PTGIS: variants seen among roughly 807,000 people sequenced by gnomAD.
PTGIS encodes prostaglandin I2 synthase, also known as prostacyclin synthase.
Under a neutral mutation model 50.3 loss-of-function variants are expected in PTGIS, and 45 were observed. The ratio of observed to expected loss-of-function variants is 0.90; its 90% CI spans 0.70 to 1.15. The LOEUF is 1.15. Among genes scored for constraint, PTGIS ranks in the 50% most tolerant of loss-of-function variants. The pLI is 0.00. For synonymous variants in PTGIS, 260 were observed against 267.7 expected (o/e 0.97, Z 0.28); for missense variants, 668 against 661.3 (o/e 1.01, Z -0.11).
chr20:49,520,548 G>A (rs960051116), intron 6 of PTGIS, among the ~76,000 whole-genome samples: 1 of 152,126 alleles, frequency 6.6e-6, no homozygotes, highest in African/African-American at 2.4e-5. Flanking sequence ...TGGCCAGGCT[G>A]GTCTCAAACT....
At chr20:49,516,437 G>A (rs1981479951) in intron 6 of PTGIS, among the ~76,000 whole-genome samples, 1 of 151,922 alleles carries the variant, frequency 6.6e-6, no homozygotes, top group Admixed American at 6.6e-5. Context: ...ACCATGCCCG[G>A]CTAATCTTTC....
At chr20:49,552,187 C>T (rs1982527414) in intron 1 of PTGIS, among the ~76,000 whole-genome samples, 3 of 151,784 alleles carry the variant, frequency 2.0e-5, no homozygotes, top group Non-Finnish European at 1.5e-5. Flanking sequence ...ATAGCTATTA[C>T]TACAGGAACT....
chr20:49,524,621 T>A (rs983417980), intron 5 of PTGIS, among the ~76,000 whole-genome samples: 2 of 152,222 alleles, frequency 1.3e-5, no homozygotes, highest in Admixed American at 1.3e-4. Flanking sequence ...TTTATTTATT[T>A]ATTTTTTAAA....
chr20:49,537,715 G>A (rs918472595), intron 5 of PTGIS, among the ~76,000 whole-genome samples: 11 of 152,028 alleles, frequency 7.2e-5, no homozygotes, highest in African/African-American at 2.7e-4. Flanking sequence ...AGATTGTGCC[G>A]CTGCATTCCA....
rs963274027 is a variant in PTGIS, at chr20:49,540,680, C to T, written c.522-959G>A. 1.3e-5 allele frequency among the ~76,000 whole-genome samples: 2 copies of T among 152,178 alleles called. No homozygotes were observed. The highest frequency in any genetic ancestry group is 2.9e-5 in the Non-Finnish European group (2 of 68,010). On this transcript the variant is annotated intron_variant, in intron 4 of 9. Transcript: ENST00000244043. The surrounding 1 kb of genome is among the most constrained non-coding windows in gnomAD (Gnocchi z 4.8). The stretch of plus-strand genomic sequence containing the variant: ...GCACACTTACGCACACGCACACGCA[C>T]ACACACAGGACCACGCTCAGAGGAC...
At position 49,541,902 on chromosome 20, in the gene PTGIS, C is replaced by T. The variant is rs1474584210; in HGVS notation, c.522-2181G>A. ...AAATACACACACGACCCACAGGCGG[C>T]GCTAGAGCCACAAAGAAAAATAAAG... On this transcript the variant is annotated intron_variant, in intron 4 of 9. Transcript: ENST00000244043. Among the ~76,000 whole-genome samples, 4 of 152,070 alleles carry T rather than the reference C, an allele frequency of 2.6e-5. No homozygotes were observed. In the East Asian group the frequency reaches 7.7e-4, roughly 29 times the overall value.
intron 8 of PTGIS, among the ~76,000 whole-genome samples, chr20:49,511,780 G>A (rs1028196391): frequency 1.3e-5 from 2 of 152,172 alleles, no homozygotes; most frequent in African/African-American, 2.4e-5. Flanking sequence ...GGAAGGATAG[G>A]TGAATGAACC....
At chr20:49,538,046 G>C (rs868537165) in intron 5 of PTGIS, among the ~76,000 whole-genome samples, 1 of 152,098 alleles carries the variant, frequency 6.6e-6, no homozygotes, top group African/African-American at 2.4e-5. Context: ...TTGAGCCCAG[G>C]AGTTGGAGAC....
chr20:49,566,654 G>A (rs1302658377), intron 1 of PTGIS, among the ~76,000 whole-genome samples: 1 of 152,196 alleles, frequency 6.6e-6, no homozygotes, highest in East Asian at 1.9e-4. Context: ...TTTCAGACAC[G>A]AATGTAAACT....
At chr20:49,537,528 G>T (rs939438120) in intron 5 of PTGIS, among the ~76,000 whole-genome samples, 5 of 152,202 alleles carry the variant, frequency 3.3e-5, no homozygotes, top group African/African-American at 1.2e-4. Context: ...GCCGAGGCAG[G>T]CAGATCTCCT....
At chr20:49,562,357 G>A (rs1053430100) in intron 1 of PTGIS, among the ~76,000 whole-genome samples, 2 of 152,232 alleles carry the variant, frequency 1.3e-5, no homozygotes, top group African/African-American at 4.8e-5. Flanking sequence ...ATTCCTGGCA[G>A]CTTTCCTCTT....
chr20:49,510,113 T>C (rs756586998), intron 9 of PTGIS, among the ~76,000 whole-genome samples: 33 of 151,926 alleles, frequency 2.2e-4, no homozygotes, highest in Non-Finnish European at 4.6e-4. Flanking sequence ...GGTCTCCAAC[T>C]CCTGGCCTCA....
chr20:49,541,558 C>T (rs1439917441), intron 4 of PTGIS, among the ~76,000 whole-genome samples: 1 of 152,042 alleles, frequency 6.6e-6, no homozygotes, highest in Non-Finnish European at 1.5e-5. Flanking sequence ...ATGGTGAAAC[C>T]CCCTCTCTAC....
intron 1 of PTGIS, among the ~76,000 whole-genome samples, chr20:49,551,071 G>A (rs1039857814): frequency 3.3e-5 from 5 of 152,126 alleles, no homozygotes; most frequent in African/African-American, 4.8e-5. Flanking sequence ...AGGCATGGTC[G>A]TGGTGCATGC....
chr20:49,519,933 G>GCTCCTCTCTGAGAGGAGGCTCCTCAGCGC (rs552739720), intron 6 of PTGIS, among the ~76,000 whole-genome samples: 1 of 151,614 alleles, frequency 6.6e-6, no homozygotes, highest in African/African-American at 2.4e-5. Context: ...GGATCCTGCT[G>GCTCCTCTCTGAGAGGAGGCTCCTCAGCGC]CTCCTCTCTG....
Position 49,505,373 on chromosome 20 carries a change from TA to T in PTGIS, c.*2546del, listed in dbSNP as rs536100137. 177 of 152,302 alleles carry T rather than the reference TA, an allele frequency of 1.2e-3. 1 individual carries two copies. The highest frequency in any genetic ancestry group is 3.9e-3 in the African/African-American group (164 of 41,556). The allele number at this position is 152,302 out of a possible 1,614,324, so 9.4% of individuals were successfully genotyped here. ...ATAACGATTAAAACAAGGGCAGGTT[TA>T]AATAATCGTCTCCTGAGCTGCACTT... is the stretch of plus-strand genomic sequence containing the variant. On this transcript the variant is annotated 3_prime_UTR_variant, in exon 10 of 10. Transcript: ENST00000244043.
chr20:49,538,814 C>T (rs949043968), intron 5 of PTGIS, among the ~76,000 whole-genome samples: 5 of 151,834 alleles, frequency 3.3e-5, no homozygotes, highest in African/African-American at 1.2e-4. Flanking sequence ...CCCGAGTAGC[C>T]AGGAATGCAG....
At position 49,504,906 on chromosome 20, in the gene PTGIS, C is replaced by CCT. The variant is rs1981101728; in HGVS notation, c.*3013_*3014insAG. The CCT allele has an allele frequency of 6.6e-6, 1 of 151,960 alleles. No individual in the cohort carries two copies. Among genetic ancestry groups the CCT allele is most frequent in the East Asian group, 1.9e-4 (1 of 5,188 alleles). 9.4% of individuals were successfully genotyped at this position (151,960 alleles called of 1,614,324 possible). On this transcript the variant is annotated 3_prime_UTR_variant, in exon 10 of 10. Coordinates refer to ENST00000244043, the MANE Select transcript of PTGIS (RefSeq NM_000961.4). ...TTGGGAGGCCGAGGCGGGCAGATCA[C>CCT]GAGCTCAGGAGATCAAGACCATCCT...
At chr20:49,558,375 C>CGAGA (rs1424735568) in intron 1 of PTGIS, among the ~76,000 whole-genome samples, 1 of 152,082 alleles carries the variant, frequency 6.6e-6, no homozygotes, top group Non-Finnish European at 1.5e-5. Flanking sequence ...AGCAAGAGAA[C>CGAGA]GAGACCCTGT....
Sources: gnomAD v4.1 joint callset for allele counts (sites outside exome capture counted in the v4.1 genomes callset) on GRCh38, gnomAD v4.1.1 for gene constraint, Gnocchi (gnomAD v3.1) non-coding constraint, MANE v1.5 for transcripts, NCBI Gene and HGNC (gene_info 2026-07-23, HGNC 2026-07-21) for gene names.